Variants in NR4A1 observed in about 807,000 individuals in gnomAD.
NR4A1 encodes the protein nuclear receptor subfamily 4immunitygroup A member 1.
In NR4A1, 24 loss-of-function variants were observed where a neutral mutation model predicts 47.5. That is an observed-to-expected ratio of 0.50 (90% CI 0.37 to 0.71). NR4A1 has a LOEUF of 0.71. Ranked by LOEUF, NR4A1 falls within the 30% of genes least tolerant of loss-of-function variation. The pLI, the probability that NR4A1 is intolerant of heterozygous loss-of-function variation, is 0.00. For missense variants in NR4A1, 669 were observed against 788.6 expected, an observed-to-expected ratio of 0.85 and a Z score of 1.82; for synonymous variants, 353 against 345.7, an observed-to-expected ratio of 1.02 and a Z score of -0.24.
At chr12:52,058,478 G>T (rs1939385861) in intron 6 of NR4A1, 1 of 609,972 alleles carries the variant, frequency 1.6e-6, no homozygotes, top group Admixed American at 3.6e-5. Context: ...TGGGCCTCGG[G>T]TTCTCACTTG....
At chr12:52,039,328 G>A (rs1327999392) in intron 1 of NR4A1, among the ~76,000 whole-genome samples, 2 of 152,198 alleles carry the variant, frequency 1.3e-5, no homozygotes, top group African/African-American at 2.4e-5. Flanking sequence ...GACCTGTCAC[G>A]CAGAGGGCCT....
Position 52,054,814 on chromosome 12 carries a change from G to A in NR4A1, c.486G>A (p.Ser162=), listed in dbSNP as rs543634623. Residue 162 remains serine, a synonymous_variant, in exon 2 of 7, where the codon TCG becomes TCA. Coordinates refer to ENST00000394825, the MANE Select transcript of NR4A1 (RefSeq NM_173157.3). ...GGGATGGCTCCTTCGGCCACTTCTC[G>A]CCCAGCCAGACTTACGAAGGCCTGC... ...SPWDGSFGHF[S]PSQTYEGLRA... 1.2e-5 allele frequency: 19 copies of A among 1,613,330 alleles called. No individual in the cohort carries two copies. The highest frequency in any genetic ancestry group is 1.1e-4 in the East Asian group (5 of 44,876).
At chr12:52,036,611 A>G (rs979667284) in intron 1 of NR4A1, among the ~76,000 whole-genome samples, 1 of 151,976 alleles carries the variant, frequency 6.6e-6, no homozygotes, top group African/African-American at 2.4e-5. Flanking sequence ...CGGGGCCTGC[A>G]CCCCCGCCTC....
At chr12:52,057,784 ATG>A (rs1465316344) in intron 6 of NR4A1, among the ~76,000 whole-genome samples, 2 of 152,236 alleles carry the variant, frequency 1.3e-5, no homozygotes, top group Non-Finnish European at 2.9e-5. Context: ...GGTGTCATGT[ATG>A]TGGCCTAGGG....
rs1308745107 is a variant in NR4A1, at chr12:52,027,484, C to G, written c.-84+4545C>G. 4.6e-5 allele frequency among the ~76,000 whole-genome samples: 7 copies of G among 152,258 alleles called. 1 individual carries two copies. ...AGGCAGCTCCCAGCCACGCTGTGCC[C>G]ACTGGCAGCCTCTGGATGCTGGGAG... On this transcript the variant is annotated intron_variant, in intron 1 of 7. Coordinates refer to the NR4A1 transcript ENST00000360284.
At chr12:52,027,561 G>C (rs1440453308) in intron 1 of NR4A1, among the ~76,000 whole-genome samples, 1 of 152,254 alleles carries the variant, frequency 6.6e-6, no homozygotes, top group East Asian at 1.9e-4. Context: ...AGTCAGCACT[G>C]GGAGGGCTGA....
chr12:52,044,934 C>T (rs1938575718), intron 2 of NR4A1, among the ~76,000 whole-genome samples: 1 of 149,244 alleles, frequency 6.7e-6, no homozygotes, highest in Non-Finnish European at 1.5e-5. Context: ...GAAGTCTGAT[C>T]TTATTCTTTT....
At chr12:52,041,943 T>C (rs1282027889) in intron 2 of NR4A1, 3 of 1,387,858 alleles carry the variant, frequency 2.2e-6, no homozygotes, top group Non-Finnish European at 2.8e-6. Flanking sequence ...AGTGCTCTGC[T>C]ATTGTCCTTT....
chr12:52,052,416 G>A (rs543624804), intron 1 of NR4A1: 21 of 926,536 alleles, frequency 2.3e-5, no homozygotes, highest in African/African-American at 5.4e-5. Flanking sequence ...CTGCCTAGAG[G>A]ATACCTCCCA....
In NR4A1 at chr12:52,037,425, G is replaced by T. The variant is rs550420422; in HGVS notation, c.-83-4385G>T. The T allele has an allele frequency of 3.7e-5, 36 of 986,050 alleles. No individual in the cohort carries two copies. In the Admixed American group the frequency reaches 8.0e-4, roughly 22 times the overall value. 61.1% of individuals were successfully genotyped at this position (986,050 alleles called of 1,614,324 possible). On this transcript the variant is annotated intron_variant, in intron 1 of 7. Transcript: ENST00000360284. ...CCGGAAAGCGGGGGTGGAGAGGCGAGCGGAGCCCGCGGGGCCAGGTGAGGG... is the reference window on the plus strand; with the variant it reads ...CCGGAAAGCGGGGGTGGAGAGGCGATCGGAGCCCGCGGGGCCAGGTGAGGG...
rs1242232404 is a variant in NR4A1, at chr12:52,054,803, G to A, written c.475G>A (p.Gly159Ser). 6.2e-6 allele frequency: 10 copies of A among 1,613,120 alleles called. No individual in the cohort carries two copies. In the Admixed American group the frequency reaches 6.7e-5, roughly 11 times the overall value. ...GCTCTCTCCCTGGGATGGCTCCTTC[G>A]GCCACTTCTCGCCCAGCCAGACTTA... is the stretch of plus-strand genomic sequence containing the variant. ...PQLSPWDGSF[G>S]HFSPSQTYEG... The change falls in exon 2 of 7, where the codon GGC becomes AGC. Residue 159 changes from glycine to serine, a missense_variant. Transcript: ENST00000394825.
intron 1 of NR4A1, among the ~76,000 whole-genome samples, chr12:52,041,114 T>C (rs1163287611): frequency 1.3e-5 from 2 of 152,180 alleles, no homozygotes; most frequent in Non-Finnish European, 2.9e-5. Context: ...TGTGTCCTCA[T>C]TGAACTTCTC....
At chr12:52,047,413 G>T (rs773376602), upstream of NR4A1, among the ~76,000 whole-genome samples, 1 of 152,204 alleles carries the variant, frequency 6.6e-6, no homozygotes, top group Admixed American at 6.5e-5. Flanking sequence ...CACCTCTCTC[G>T]CCTTTATCTT....
At chr12:52,045,130 C>T (rs1938583021) in intron 2 of NR4A1, among the ~76,000 whole-genome samples, 1 of 152,156 alleles carries the variant, frequency 6.6e-6, no homozygotes, top group South Asian at 2.1e-4. Flanking sequence ...AGAGCCACAT[C>T]TCTGGGCACA....
At position 52,056,612 on chromosome 12, in the gene NR4A1, A is replaced by G. The variant is rs1250857956; in HGVS notation, c.1125A>G (p.Ser375=). ...CCCTGGTCCGTGCACACCTGGACTC[A>G]GGGCCCAGCACTGCCAAACTGGACT... The part of the protein sequence containing the change: ...LTSLVRAHLD[S]GPSTAKLDYS... Residue 375 remains serine (S), a synonymous_variant, in exon 4 of 7, where the codon TCA becomes TCG. Coordinates refer to ENST00000394825, the MANE Select transcript of NR4A1 (RefSeq NM_173157.3). 1.9e-6 allele frequency: 3 copies of G among 1,610,192 alleles called. No individual in the cohort carries two copies. The highest frequency in any genetic ancestry group is 1.1e-5 in the South Asian group (1 of 90,498).
chr12:52,027,437 C>G (rs1261381499), intron 1 of NR4A1, among the ~76,000 whole-genome samples: 1 of 152,226 alleles, frequency 6.6e-6, no homozygotes, highest in Non-Finnish European at 1.5e-5. Context: ...AGGATGGTCC[C>G]TCTCCCAAGC....
intron 2 of NR4A1, chr12:52,043,733 G>A: frequency 2.8e-5 from 36 of 1,281,014 alleles, no homozygotes; most frequent in Non-Finnish European, 3.2e-5. Flanking sequence ...CACATCCAGA[G>A]CTCGCTCAGC....
intron 1 of NR4A1, chr12:52,052,679 A>T (rs1368310307): frequency 2.0e-6 from 2 of 984,572 alleles, no homozygotes; most frequent in African/African-American, 3.5e-5. Context: ...AAGAACCTGC[A>T]TGAAGGGGGA....
exon 2 of NR4A1, chr12:52,041,829 GC>G: frequency 6.8e-7 from 1 of 1,478,482 alleles, no homozygotes; most frequent in Non-Finnish European, 8.9e-7. Flanking sequence ...ATGGACAGAG[GC>G]CAGGCCCTGC....
Sources: allele counts gnomAD v4.1 joint callset (sites outside exome capture counted in the v4.1 genomes callset), GRCh38; gene constraint gnomAD v4.1.1; transcripts MANE v1.5; gene names NCBI Gene and HGNC (gene_info 2026-07-23, HGNC 2026-07-21).